Variants in IKZF2 observed in about 807,000 individuals in gnomAD.
IKZF2 encodes the protein zinc finger protein Helios.
In IKZF2, 15 loss-of-function variants were observed where a neutral mutation model predicts 49.2. That is an observed-to-expected ratio of 0.30 (90% CI 0.20 to 0.47). IKZF2 has a LOEUF of 0.47. Ranked by LOEUF, IKZF2 falls within the 20% of genes least tolerant of loss-of-function variation. The pLI is 1.00. For missense variants in IKZF2, 567 were observed against 664.6 expected (o/e 0.85, Z 1.61); for synonymous variants, 227 against 221.4 (o/e 1.03, Z -0.23).
chr2:213,023,076 A>G (rs1020485028), intron 6 of IKZF2, among the ~76,000 whole-genome samples: 1 of 152,174 alleles, frequency 6.6e-6, no homozygotes, highest in Non-Finnish European at 1.5e-5. Flanking sequence ...ATAAAACCCC[A>G]GGTGGTCTGT....
At chr2:213,088,915 C>T (rs949656518) in intron 4 of IKZF2, among the ~76,000 whole-genome samples, 1 of 152,144 alleles carries the variant, frequency 6.6e-6, no homozygotes, top group Non-Finnish European at 1.5e-5. Context: ...AGTAATATAT[C>T]CCCACCTATA....
At position 213,030,339 on chromosome 2, in the gene IKZF2, G is replaced by T. The variant is rs142923507; in HGVS notation, c.575-8209C>A. On this transcript the variant is annotated intron_variant, in intron 6 of 8. Coordinates refer to ENST00000434687, the MANE Select transcript of IKZF2 (RefSeq NM_001387220.1). ...TTAATGAAATGATTAAGTGGGAAAA[G>T]AATATTTTAGAAAGGAAACAGATCT... Among the ~76,000 whole-genome samples, 258 of 151,998 alleles carry T rather than the reference G, an allele frequency of 1.7e-3. 2 individuals carry two copies. The highest frequency in any genetic ancestry group is 6.0e-3 in the African/African-American group (250 of 41,470).
chr2:213,115,401 A>G (rs2059837946), intron 4 of IKZF2, among the ~76,000 whole-genome samples: 3 of 152,232 alleles, frequency 2.0e-5, no homozygotes, highest in South Asian at 4.1e-4. Context: ...GAATTTAACC[A>G]CATAGCGAAT....
chr2:213,081,584 A>T (rs1559248791), intron 4 of IKZF2, among the ~76,000 whole-genome samples: 1 of 152,200 alleles, frequency 6.6e-6, no homozygotes, highest in Non-Finnish European at 1.5e-5. Context: ...TTTCTCAAAG[A>T]AGATGACTGA....
At chr2:213,070,124 C>T (rs544896662) in intron 4 of IKZF2, among the ~76,000 whole-genome samples, 2 of 152,188 alleles carry the variant, frequency 1.3e-5, no homozygotes, top group East Asian at 3.9e-4. Flanking sequence ...GAACTAACTT[C>T]CTTAAACTCA....
At chr2:213,140,445 C>T (rs1301033956) in intron 4 of IKZF2, among the ~76,000 whole-genome samples, 5 of 151,834 alleles carry the variant, frequency 3.3e-5, no homozygotes, top group Non-Finnish European at 7.4e-5. Context: ...AATTCCTTAG[C>T]TATTAATGTG....
chr2:213,056,870 C>T lies in IKZF2; in HGVS notation c.369G>A (p.Gly123=), dbSNP rs1262992156. ...TTTTATGTACCATAAGCACATTGGG[C>T]CCAATGCAAACCATGCCACAGACGT... The part of the protein sequence containing the change: ...KCDVCGMVCI[G]PNVLMVHKRS... Residue 123 remains glycine (G), a synonymous_variant, in exon 5 of 9, where the codon GGG becomes GGA. Coordinates refer to ENST00000434687, the MANE Select transcript of IKZF2 (RefSeq NM_001387220.1). The T allele has an allele frequency of 6.2e-7, 1 of 1,613,826 alleles. No individual in the cohort carries two copies. The highest frequency in any genetic ancestry group is 1.7e-5 in the Admixed American group (1 of 59,970).
intron 4 of IKZF2, among the ~76,000 whole-genome samples, chr2:213,075,101 C>A (rs1703112741): frequency 6.6e-6 from 1 of 152,112 alleles, no homozygotes; most frequent in Non-Finnish European, 1.5e-5. Context: ...TCTATACTAC[C>A]TTATTTCATT....
chr2:213,095,502 G>A (rs966227757), intron 4 of IKZF2, among the ~76,000 whole-genome samples: 14 of 151,850 alleles, frequency 9.2e-5, no homozygotes, highest in Admixed American at 6.6e-4. Flanking sequence ...TCAATGAAGA[G>A]CTTTAAAAAA....
chr2:213,125,088 T>C (rs1288409540), intron 4 of IKZF2, among the ~76,000 whole-genome samples: 1 of 152,252 alleles, frequency 6.6e-6, no homozygotes, highest in Non-Finnish European at 1.5e-5. Flanking sequence ...ACTGCTATGC[T>C]AAATACTTTG....
intron 5 of IKZF2, among the ~76,000 whole-genome samples, chr2:213,053,813 C>T (rs545778033): frequency 6.6e-6 from 1 of 152,086 alleles, no homozygotes; most frequent in Non-Finnish European, 1.5e-5. Context: ...AGTAGCAATA[C>T]CAAATCAATA....
At chr2:213,144,372 A>G (rs1001695650) in intron 4 of IKZF2, among the ~76,000 whole-genome samples, 3 of 151,848 alleles carry the variant, frequency 2.0e-5, no homozygotes, top group African/African-American at 7.2e-5. Context: ...ATAAAAAAAT[A>G]GATAAGAAAA....
At chr2:213,036,684 C>T (rs1213304922) in intron 6 of IKZF2, among the ~76,000 whole-genome samples, 1 of 152,096 alleles carries the variant, frequency 6.6e-6, no homozygotes, top group Non-Finnish European at 1.5e-5. Flanking sequence ...GGACTCCACT[C>T]TGATAGATTT....
chr2:213,081,323 C>T (rs569896842), intron 4 of IKZF2: 1 of 153,922 alleles, frequency 6.5e-6, no homozygotes, highest in Non-Finnish European at 1.5e-5. Context: ...CAATTAAATC[C>T]AGTATCTATA....
chr2:213,151,462 T>C lies in IKZF2; in HGVS notation c.-169A>G. 6.6e-6 allele frequency: 1 copy of C among 152,598 alleles called. No individual in the cohort carries two copies. Among genetic ancestry groups the C allele is most frequent in the East Asian group, 1.9e-4 (1 of 5,202 alleles). 9.5% of individuals were successfully genotyped at this position (152,598 alleles called of 1,614,324 possible). On this transcript the variant is annotated 5_prime_UTR_variant, in exon 1 of 9. Transcript: ENST00000434687. ...ATCCCATCACCCTTTTGTTTGTGTT[T>C]ACTGTTAATGTGTCCTCTGTCTTTC...
chr2:213,122,227 G>A (rs986377139), intron 4 of IKZF2, among the ~76,000 whole-genome samples: 2 of 152,156 alleles, frequency 1.3e-5, no homozygotes, highest in African/African-American at 2.4e-5. Context: ...GTTCAGTCAC[G>A]TTCTTCTACC....
intron 5 of IKZF2, among the ~76,000 whole-genome samples, chr2:213,055,961 T>G (rs1281940894): frequency 6.6e-6 from 1 of 152,124 alleles, no homozygotes. Flanking sequence ...CTTTGCATTA[T>G]AGTGAAAGCC....
At chr2:213,148,054 G>A (rs2061142595) in intron 3 of IKZF2, among the ~76,000 whole-genome samples, 2 of 152,158 alleles carry the variant, frequency 1.3e-5, no homozygotes, top group Non-Finnish European at 2.9e-5. Flanking sequence ...TACATAAGTT[G>A]TTGATTTCTA....
At chr2:213,093,896 G>A (rs988623377) in intron 4 of IKZF2, among the ~76,000 whole-genome samples, 1 of 152,138 alleles carries the variant, frequency 6.6e-6, no homozygotes, top group Non-Finnish European at 1.5e-5. Context: ...GACATAAGCT[G>A]CTATGTGGAT....
Sources: allele counts gnomAD v4.1 joint callset (sites outside exome capture counted in the v4.1 genomes callset), GRCh38; gene constraint gnomAD v4.1.1; transcripts MANE v1.5; gene names NCBI Gene and HGNC (gene_info 2026-07-23, HGNC 2026-07-21).